The following ARHGEF4 variants were observed in gnomAD, a reference collection of about 807,000 sequenced individuals.
ARHGEF4 encodes Rho guanine nucleotide exchange factor 4.
Under a neutral mutation model 162.0 loss-of-function variants are expected in ARHGEF4, and 119 were observed. The observed-to-expected ratio is 0.73, with a 90% CI of 0.63 to 0.86. The LOEUF (loss-of-function observed/expected upper bound fraction) is 0.86, where lower values mean the gene tolerates loss of function less well. Among genes scored for constraint, ARHGEF4 ranks in the 40% least tolerant of loss-of-function variants. The pLI is 0.00. For missense variants in ARHGEF4, 2,488 were observed against 2,456.0 expected, an observed-to-expected ratio of 1.01 and a Z score of -0.28; for synonymous variants, 1,014 against 979.9, an observed-to-expected ratio of 1.03 and a Z score of -0.65.
intron 1 of ARHGEF4, among the ~76,000 whole-genome samples, chr2:130,855,093 C>T (rs1174838385): frequency 2.0e-5 from 3 of 151,630 alleles, no homozygotes; most frequent in Non-Finnish European, 2.9e-5. Context: ...CATAGGATGG[C>T]CTCAATCTCC....
chr2:130,867,723 T>C (rs1362102303), intron 1 of ARHGEF4, among the ~76,000 whole-genome samples: 1 of 152,082 alleles, frequency 6.6e-6, no homozygotes, highest in Non-Finnish European at 1.5e-5. Flanking sequence ...GGCTTTCTCA[T>C]CTGTGCCCTC....
At chr2:131,012,579 G>T (rs1688527183) in intron 4 of ARHGEF4, among the ~76,000 whole-genome samples, 1 of 135,472 alleles carries the variant, frequency 7.4e-6, no homozygotes, top group Admixed American at 7.7e-5. Context: ...TGTGTGTGTT[G>T]GGGGGTGGGG....
Position 130,988,901 on chromosome 2 carries a change from T to TATATAG in ARHGEF4, c.3986-39043_3986-39042insTATAGA, listed in dbSNP as rs1469212068. On this transcript the variant is annotated intron_variant, in intron 4 of 13. Coordinates refer to ENST00000409359, the MANE Select transcript of ARHGEF4 (RefSeq NM_001367493.1). ...ATATATATATATATATATATATATA[T>TATATAG]AGAGAGAGAGAGAGAGAGAGAGAGA... Among the ~76,000 whole-genome samples, 150 of 113,350 alleles carry TATATAG rather than the reference T, an allele frequency of 1.3e-3. 1 individual carries two copies. Among genetic ancestry groups the TATATAG allele is most frequent in the South Asian group, 3.8e-3 (11 of 2,866 alleles). The allele number at this position is 113,350 out of a possible 152,430, so 74.4% of individuals were successfully genotyped here.
intron 1 of ARHGEF4, among the ~76,000 whole-genome samples, chr2:130,911,864 A>G (rs1051325956): frequency 8.5e-5 from 13 of 152,222 alleles, no homozygotes; most frequent in African/African-American, 3.1e-4. Flanking sequence ...CTGGCATTCT[A>G]GTCACCAGGG....
chr2:130,930,861 C>G, intron 2 of ARHGEF4, 91 bp from the exon 3 acceptor site: 2 of 1,294,088 alleles, frequency 1.5e-6, no homozygotes, highest in Non-Finnish European at 2.1e-6. Flanking sequence ...AGTGTTATAC[C>G]CAAAAGGAAC....
intron 4 of ARHGEF4, among the ~76,000 whole-genome samples, chr2:130,963,490 C>T (rs1186353685): frequency 6.6e-6 from 1 of 152,008 alleles, no homozygotes; most frequent in South Asian, 2.1e-4. Flanking sequence ...GCCCACCAGC[C>T]CTCCTCACCA....
intron 10 of ARHGEF4, among the ~76,000 whole-genome samples, 196 bp from the exon 11 acceptor site, chr2:131,043,256 G>C (rs1039683821): frequency 6.6e-6 from 1 of 152,128 alleles, no homozygotes; most frequent in Non-Finnish European, 1.5e-5. Context: ...TGGTGACAGG[G>C]GGCTCCTATT....
intron 2 of ARHGEF4, among the ~76,000 whole-genome samples, chr2:130,930,729 T>G (rs1682578058): frequency 6.6e-6 from 1 of 152,236 alleles, no homozygotes. Flanking sequence ...TAAAAAATAC[T>G]CTTGAAAGTA....
chr2:131,004,246 A>G (rs1212511136), intron 4 of ARHGEF4, among the ~76,000 whole-genome samples: 1 of 152,078 alleles, frequency 6.6e-6, no homozygotes, highest in Admixed American at 6.5e-5. Flanking sequence ...ACTCACTGCA[A>G]GCTCCACCTC....
chr2:130,915,485 C>G lies in ARHGEF4; in HGVS notation c.1539C>G (p.Ser513Arg). The G allele has an allele frequency of 6.4e-7, 1 of 1,550,468 alleles. No homozygotes were observed. Among genetic ancestry groups the G allele is most frequent in the South Asian group, 1.2e-5 (1 of 84,034 alleles). Reference sequence around the variant, plus strand: ...ATTACACATCAAAGTATGTGCTCAGCGAGGAAAGCAAGTCACCTACCAGGG... The same window carrying G: ...ATTACACATCAAAGTATGTGCTCAGGGAGGAAAGCAAGTCACCTACCAGGG... Reference protein sequence around the residue: ...TSNYTSKYVLSEESKSPTRAK... With the variant: ...TSNYTSKYVLREESKSPTRAK... The change falls in exon 2 of 14, where the codon AGC (serine) becomes AGG (arginine). Residue 513 changes from serine to arginine, a missense_variant. Physicochemically the swap from Ser to Arg is moderately radical, Grantham distance 110. Transcript: ENST00000409359.
intron 1 of ARHGEF4, among the ~76,000 whole-genome samples, chr2:130,902,065 G>A (rs920707851): frequency 6.6e-6 from 1 of 152,168 alleles, no homozygotes; most frequent in African/African-American, 2.4e-5. Context: ...CAACACCGGT[G>A]CTTCTTCATG....
chr2:130,914,894 T>C lies in ARHGEF4; in HGVS notation c.948T>C (p.Thr316=). 6.7e-7 allele frequency: 1 copy of C among 1,502,952 alleles called. No individual in the cohort carries two copies. The allele number at this position is 1,502,952 out of a possible 1,614,324, so 93.1% of individuals were successfully genotyped here. A position where few individuals can be genotyped will look rare whatever the true frequency, so the allele number is the denominator to read the frequency against. The change falls in exon 2 of 14, where the codon ACT becomes ACC. Residue 316 remains threonine, a synonymous_variant. Coordinates refer to ENST00000409359, the MANE Select transcript of ARHGEF4 (RefSeq NM_001367493.1). ...TNRHHSAPET[T]GDKNRASPRL... ...GTCACCATAGTGCCCCAGAAACTAC[T>C]GGTGACAAGAACAGGGCATCCCCCA... is the stretch of plus-strand genomic sequence containing the variant.
intron 1 of ARHGEF4, among the ~76,000 whole-genome samples, chr2:130,874,831 A>AT (rs1362609641): frequency 6.6e-6 from 1 of 151,972 alleles, no homozygotes; most frequent in Non-Finnish European, 1.5e-5. Context: ...CATTTCTATA[A>AT]TTTTTTCATT....
At chr2:130,996,767 A>G (rs914208113) in intron 4 of ARHGEF4, among the ~76,000 whole-genome samples, 1 of 152,204 alleles carries the variant, frequency 6.6e-6, no homozygotes, top group African/African-American at 2.4e-5. Flanking sequence ...CACCAACAGC[A>G]TGAGACGTCC....
intron 3 of ARHGEF4, among the ~76,000 whole-genome samples, chr2:130,938,461 T>C (rs1021709319): frequency 6.6e-6 from 1 of 152,234 alleles, no homozygotes; most frequent in Non-Finnish European, 1.5e-5. Flanking sequence ...TTGCCATTGG[T>C]ACAACAGTTT....
chr2:130,870,759 A>T (rs1678422479), intron 1 of ARHGEF4, among the ~76,000 whole-genome samples: 1 of 152,082 alleles, frequency 6.6e-6, no homozygotes, highest in South Asian at 2.1e-4. Flanking sequence ...AGTAACCTGG[A>T]AGCAGCAGAC....
chr2:130,868,378 C>T (rs190490654), intron 1 of ARHGEF4, among the ~76,000 whole-genome samples: 27 of 147,390 alleles, frequency 1.8e-4, no homozygotes, highest in Admixed American at 1.6e-3. Flanking sequence ...TGGGGGTTGG[C>T]GCTGATGGCA....
At chr2:131,042,838 G>A (rs1019929572) in intron 10 of ARHGEF4, among the ~76,000 whole-genome samples, 2 of 152,216 alleles carry the variant, frequency 1.3e-5, no homozygotes, top group Admixed American at 6.5e-5. Context: ...TAGTCTAAAA[G>A]TATGAAGCCC....
chr2:130,907,075 C>G (rs1680858785), intron 1 of ARHGEF4, among the ~76,000 whole-genome samples: 1 of 152,116 alleles, frequency 6.6e-6, no homozygotes, highest in African/African-American at 2.4e-5. Flanking sequence ...GTTTACCATC[C>G]CTGTAGCTTT....
Sources: allele counts gnomAD v4.1 joint callset (sites outside exome capture counted in the v4.1 genomes callset), GRCh38; gene constraint gnomAD v4.1.1; transcripts MANE v1.5; gene names NCBI Gene and HGNC (gene_info 2026-07-23, HGNC 2026-07-21).